MDGA2: variants seen among roughly 807,000 people sequenced by gnomAD.
MDGA2 encodes MAM domain containing glycosylphosphatidylinositol anchor 2.
In MDGA2, 40 loss-of-function variants were observed where a neutral mutation model predicts 117.8. That is an observed-to-expected ratio of 0.34 (90% CI 0.26 to 0.44). The LOEUF (loss-of-function observed/expected upper bound fraction) is 0.44, where lower values mean the gene tolerates loss of function less well. MDGA2 is among the 20% of genes least tolerant of loss of function. MDGA2 has a pLI of 1.00. For missense variants in MDGA2, 1,123 were observed against 1,250.6 expected (o/e 0.90, Z 1.54); for synonymous variants, 452 against 439.0 (o/e 1.03, Z -0.37).
At chr14:47,554,977 A>C (rs1895656244) in intron 1 of MDGA2, among the ~76,000 whole-genome samples, 1 of 152,196 alleles carries the variant, frequency 6.6e-6, no homozygotes, top group Admixed American at 6.5e-5. Flanking sequence ...AATAAGTTCA[A>C]CTAAGCCAAA....
intron 14 of MDGA2, among the ~76,000 whole-genome samples, chr14:46,870,358 T>A (rs35739908): frequency 0.18 from 27,017 of 151,904 alleles, 3,140 homozygotes; most frequent in Non-Finnish European, 0.25. Context: ...TCTTTGAATC[T>A]GGATTTCCAA....
At chr14:47,077,485 T>A (rs1221342525) in intron 6 of MDGA2, among the ~76,000 whole-genome samples, 1 of 152,102 alleles carries the variant, frequency 6.6e-6, no homozygotes, top group Non-Finnish European at 1.5e-5. Context: ...TCTTCTGGGC[T>A]CAGCATGATC....
rs1351813153 is a variant in MDGA2, at chr14:46,840,987, T to C, written c.*944A>G. 1 of 152,636 alleles carries C rather than the reference T, an allele frequency of 6.6e-6. No homozygotes were observed. Among genetic ancestry groups the C allele is most frequent in the African/African-American group, 2.4e-5 (1 of 41,462 alleles). The allele number at this position is 152,636 out of a possible 1,614,324, so 9.5% of individuals were successfully genotyped here. ...GTCCTTTCTTCTTCAGAAGCGGCTT[T>C]GTTGTCTTGCCTGTAATTTGCACAT... On this transcript the variant is annotated 3_prime_UTR_variant, in exon 17 of 17. Coordinates refer to ENST00000399232, the MANE Select transcript of MDGA2 (RefSeq NM_001113498.3).
chr14:47,118,906 T>A (rs965513537), intron 5 of MDGA2, among the ~76,000 whole-genome samples: 2 of 151,982 alleles, frequency 1.3e-5, no homozygotes, highest in South Asian at 2.1e-4. Flanking sequence ...GATAATATTT[T>A]AAATTATTTT....
chr14:47,484,459 G>A (rs1894016882), intron 1 of MDGA2, among the ~76,000 whole-genome samples: 1 of 152,200 alleles, frequency 6.6e-6, no homozygotes, highest in South Asian at 2.1e-4. Flanking sequence ...TTCATCAGAA[G>A]TGCAGAGATG....
At chr14:47,460,361 T>C (rs1009341075) in intron 1 of MDGA2, among the ~76,000 whole-genome samples, 1 of 152,050 alleles carries the variant, frequency 6.6e-6, no homozygotes, top group Admixed American at 6.6e-5. Flanking sequence ...GAGGATTAAG[T>C]AGAAACAAAA....
chr14:47,066,284 T>G (rs2138812530), intron 6 of MDGA2, among the ~76,000 whole-genome samples: 1 of 152,296 alleles, frequency 6.6e-6, no homozygotes, highest in African/African-American at 2.4e-5. Context: ...TTTATTGAAT[T>G]TAATTATAAT....
intron 8 of MDGA2, chr14:46,996,401 T>C (rs922705779): frequency 6.6e-6 from 1 of 152,132 alleles, no homozygotes; most frequent in Non-Finnish European, 1.5e-5. Context: ...AGATGTGGAA[T>C]AGTGCATTGG....
intron 6 of MDGA2, among the ~76,000 whole-genome samples, chr14:47,067,438 T>C (rs1566603971): frequency 6.6e-6 from 1 of 152,150 alleles, no homozygotes; most frequent in African/African-American, 2.4e-5. Context: ...ATCAGCAAGG[T>C]GTGACTCTCT....
intron 3 of MDGA2, among the ~76,000 whole-genome samples, chr14:47,202,644 T>C (rs1237234438): frequency 1.3e-5 from 2 of 152,200 alleles, no homozygotes; most frequent in Non-Finnish European, 2.9e-5. Flanking sequence ...AGCAATCCTA[T>C]AAGGGAGGAA....
At chr14:47,661,738 CAG>C (rs1897849925) in intron 1 of MDGA2, among the ~76,000 whole-genome samples, 1 of 141,274 alleles carries the variant, frequency 7.1e-6, no homozygotes, top group Non-Finnish European at 1.5e-5. Flanking sequence ...ACGAAGTAAT[CAG>C]AGTTTCTTTT....
intron 1 of MDGA2, among the ~76,000 whole-genome samples, chr14:47,347,268 C>A (rs1222500453): frequency 6.6e-6 from 1 of 152,006 alleles, no homozygotes. Context: ...TAGGGAAGAA[C>A]GTGTTAAGAA....
At chr14:47,213,748 T>A (rs997788857) in intron 3 of MDGA2, among the ~76,000 whole-genome samples, 107 of 152,242 alleles carry the variant, frequency 7.0e-4, no homozygotes, top group African/African-American at 2.5e-3. Context: ...AATACAGTAT[T>A]TTCCTTTTTT....
At chr14:47,629,725 G>A (rs1413415101) in intron 1 of MDGA2, among the ~76,000 whole-genome samples, 2 of 152,138 alleles carry the variant, frequency 1.3e-5, no homozygotes, top group Non-Finnish European at 2.9e-5. Flanking sequence ...TTATAGTTAA[G>A]CAATTAAAAT....
In MDGA2 at chr14:47,021,653, C is replaced by T. The variant is rs547501854; in HGVS notation, c.1819+13358G>A. 2.6e-4 allele frequency among the ~76,000 whole-genome samples: 39 copies of T among 151,548 alleles called. 2 individuals are homozygous for T. In the South Asian group the frequency reaches 8.1e-3, roughly 31 times the overall value. ...TGCAGTTTCTAGGAGATTTCTGAAA[C>T]AATTAATAGAGTATGGTTTCTGTTA... On this transcript the variant is annotated intron_variant, in intron 8 of 16. Transcript: ENST00000399232.
chr14:47,326,202 T>G (rs1231420901), intron 1 of MDGA2, among the ~76,000 whole-genome samples: 1 of 152,146 alleles, frequency 6.6e-6, no homozygotes, highest in Non-Finnish European at 1.5e-5. Context: ...TTAGACATGT[T>G]CTCTCTGCCA....
intron 14 of MDGA2, 71 bp downstream of exon 14, chr14:46,873,362 G>T (rs1882092807): frequency 6.6e-6 from 9 of 1,364,152 alleles, no homozygotes; most frequent in Non-Finnish European, 8.8e-6. Context: ...TTTTAATGCT[G>T]TGTGTTTATG....
chr14:47,671,589 A>G (rs567410922), intron 1 of MDGA2, among the ~76,000 whole-genome samples: 51 of 152,344 alleles, frequency 3.3e-4, no homozygotes, highest in African/African-American at 1.1e-3. Context: ...ATACTAGAAA[A>G]CACTATTGAG....
intron 1 of MDGA2, among the ~76,000 whole-genome samples, chr14:47,472,181 C>T (rs773807822): frequency 5.3e-5 from 8 of 152,102 alleles, no homozygotes; most frequent in Non-Finnish European, 1.0e-4. Context: ...CTCCTATATA[C>T]ATATTTTAGC....
Sources: gnomAD v4.1 joint callset for allele counts (sites outside exome capture counted in the v4.1 genomes callset) on GRCh38, gnomAD v4.1.1 for gene constraint, MANE v1.5 for transcripts, NCBI Gene and HGNC (gene_info 2026-07-23, HGNC 2026-07-21) for gene names.